Variants in MAF observed in about 807,000 individuals in gnomAD.
The protein encoded by MAF is transcription factor Maf.
MAF carries 10 observed loss-of-function variants against 22.0 expected under a neutral mutation model. The observed-to-expected ratio is 0.45, with a 90% CI of 0.28 to 0.77. The LOEUF (loss-of-function observed/expected upper bound fraction) is 0.77, where lower values mean the gene tolerates loss of function less well. MAF is among the 30% of genes least tolerant of loss of function. The pLI, the probability that MAF is intolerant of heterozygous loss-of-function variation, is 0.12. For missense variants in MAF, 544 were observed against 548.4 expected, an observed-to-expected ratio of 0.99 and a Z score of 0.08; for synonymous variants, 337 against 255.8, an observed-to-expected ratio of 1.32 and a Z score of -3.03.
At chr16:79,295,525 G>C in the MAF span, among the ~76,000 whole-genome samples, 1 of 152,214 alleles carries the variant, frequency 6.6e-6, no homozygotes, top group Non-Finnish European at 1.5e-5. Flanking sequence ...GCACATGTGT[G>C]GGCTACTGTC....
At chr16:79,416,113 G>C in the MAF span, among the ~76,000 whole-genome samples, 8 of 152,110 alleles carry the variant, frequency 5.3e-5, no homozygotes, top group Non-Finnish European at 1.0e-4. Flanking sequence ...TGCAGCTGCT[G>C]TGTGTGCCCC....
chr16:79,364,957 G>A, the MAF span, among the ~76,000 whole-genome samples: 2 of 152,196 alleles, frequency 1.3e-5, no homozygotes, highest in Non-Finnish European at 1.5e-5. Flanking sequence ...AAGTGGTTCA[G>A]GGCACCACTG....
chr16:79,558,035 C>G, the MAF span, among the ~76,000 whole-genome samples: 1 of 151,734 alleles, frequency 6.6e-6, no homozygotes, highest in African/African-American at 2.4e-5. Flanking sequence ...CTCTCATGCA[C>G]CTTCACATTT....
the MAF span, among the ~76,000 whole-genome samples, chr16:79,305,766 A>C: frequency 3.9e-5 from 6 of 152,350 alleles, no homozygotes; most frequent in South Asian, 1.2e-3. Context: ...TGAAAGGTCA[A>C]TGGGGGATGC....
the MAF span, among the ~76,000 whole-genome samples, chr16:79,416,538 A>T: frequency 1.3e-5 from 2 of 150,552 alleles, no homozygotes; most frequent in Non-Finnish European, 2.9e-5. Context: ...TGTGACTTTC[A>T]TAGAATTGAA....
chr16:79,546,404 G>A, the MAF span, among the ~76,000 whole-genome samples: 2 of 152,108 alleles, frequency 1.3e-5, no homozygotes, highest in African/African-American at 4.8e-5. Flanking sequence ...TTATGAATGA[G>A]TGACTTGGGC....
chr16:79,566,699 G>A, the MAF span, among the ~76,000 whole-genome samples: 10 of 152,280 alleles, frequency 6.6e-5, no homozygotes, highest in East Asian at 1.9e-3. Context: ...CCCTGAACTG[G>A]AGTCTACTTG....
the MAF span, among the ~76,000 whole-genome samples, chr16:79,237,386 A>G: frequency 6.6e-6 from 1 of 152,092 alleles, no homozygotes; most frequent in Admixed American, 6.6e-5. Context: ...GTTTTGGAAC[A>G]ACTTAAATGA....
At chr16:79,208,406 A>T in the MAF span, among the ~76,000 whole-genome samples, 4 of 152,210 alleles carry the variant, frequency 2.6e-5, no homozygotes, top group Admixed American at 6.5e-5. Flanking sequence ...GTTTAGGGGA[A>T]CCCATAGCTC....
At chr16:79,494,731 C>A in the MAF span, among the ~76,000 whole-genome samples, 1 of 152,156 alleles carries the variant, frequency 6.6e-6, no homozygotes, top group Non-Finnish European at 1.5e-5. Context: ...GTCCCGGTAA[C>A]CGCCTGGAGT....
At chr16:79,316,543 G>A in the MAF span, among the ~76,000 whole-genome samples, 12 of 152,148 alleles carry the variant, frequency 7.9e-5, no homozygotes, top group African/African-American at 2.9e-4. Flanking sequence ...AATTGCTAAA[G>A]CATCTTTTTT....
the MAF span, among the ~76,000 whole-genome samples, chr16:79,276,420 C>T: frequency 6.6e-6 from 1 of 152,194 alleles, no homozygotes; most frequent in Middle Eastern, 3.2e-3. Context: ...ATTTTTCTGT[C>T]TTTCTGTCTC....
chr16:79,473,219 G>T, the MAF span, among the ~76,000 whole-genome samples: 5,405 of 152,164 alleles, frequency 0.036, 97 homozygotes, highest in South Asian at 0.054. Context: ...GGAGGGGGAG[G>T]GAGTCCTCAT....
chr16:79,286,176 T>G, the MAF span, among the ~76,000 whole-genome samples: 1 of 152,248 alleles, frequency 6.6e-6, no homozygotes, highest in Non-Finnish European at 1.5e-5. Flanking sequence ...TTAAAATACT[T>G]TTAAAATACT....
At chr16:79,253,212 T>C in the MAF span, among the ~76,000 whole-genome samples, 3 of 152,162 alleles carry the variant, frequency 2.0e-5, no homozygotes, top group Non-Finnish European at 4.4e-5. Context: ...GGGCCTGTTT[T>C]GGCAGAATGA....
the MAF span, among the ~76,000 whole-genome samples, chr16:79,238,582 G>A: frequency 6.6e-6 from 1 of 151,964 alleles, no homozygotes; most frequent in East Asian, 1.9e-4. Flanking sequence ...GGGAATGCCA[G>A]GTGCAAGACA....
the MAF span, among the ~76,000 whole-genome samples, chr16:79,327,592 C>G: frequency 0.094 from 14,364 of 152,132 alleles, 1,395 homozygotes; most frequent in East Asian, 0.41. Context: ...CAGGGTGGCC[C>G]AAAAGTAACT....
the MAF span, among the ~76,000 whole-genome samples, chr16:79,527,104 G>A: frequency 6.6e-6 from 1 of 152,118 alleles, no homozygotes; most frequent in Non-Finnish European, 1.5e-5. Flanking sequence ...CCATTCACTT[G>A]GATATAGCTG....
At chr16:79,420,755 C>T in the MAF span, among the ~76,000 whole-genome samples, 1 of 152,366 alleles carries the variant, frequency 6.6e-6, no homozygotes, top group Admixed American at 6.5e-5. Context: ...TGAGGCTTGA[C>T]GCGGTGGCTC....
Sources: gnomAD v4.1 joint callset for allele counts (sites outside exome capture counted in the v4.1 genomes callset) on GRCh38, gnomAD v4.1.1 for gene constraint, MANE v1.5 for transcripts, NCBI Gene and HGNC (gene_info 2026-07-23, HGNC 2026-07-21) for gene names.